GABRG3: variants seen among roughly 807,000 people sequenced by gnomAD.
The protein encoded by GABRG3 is gamma-aminobutyric acid receptor subunit gamma-3.
GABRG3 carries 25 observed loss-of-function variants against 48.8 expected under a neutral mutation model. The observed-to-expected ratio is 0.51, with a 90% CI of 0.37 to 0.72. The LOEUF (loss-of-function observed/expected upper bound fraction) is 0.72, where lower values mean the gene tolerates loss of function less well. Among genes scored for constraint, GABRG3 ranks in the 30% least tolerant of loss-of-function variants. The pLI, the probability that GABRG3 is intolerant of heterozygous loss-of-function variation, is 0.00. For synonymous variants in GABRG3, 227 were observed against 217.6 expected (o/e 1.04, Z -0.38); for missense variants, 394 against 577.9 (o/e 0.68, Z 3.26).
intron 3 of GABRG3, among the ~76,000 whole-genome samples, chr15:27,112,592 C>G (rs1365786317): frequency 6.6e-6 from 1 of 151,910 alleles, no homozygotes; most frequent in East Asian, 1.9e-4. Flanking sequence ...TGGTGCCCCC[C>G]ACCACAGCCG....
chr15:27,415,402 C>T (rs970246205), intron 5 of GABRG3, among the ~76,000 whole-genome samples: 2 of 152,070 alleles, frequency 1.3e-5, no homozygotes, highest in Non-Finnish European at 2.9e-5. Flanking sequence ...TTAGAATTTC[C>T]ATCTCTTTGC....
intron 5 of GABRG3, among the ~76,000 whole-genome samples, chr15:27,455,553 AGTTTGTGTGTG>A (rs1209019526): frequency 7.8e-6 from 1 of 127,884 alleles, no homozygotes; most frequent in African/African-American, 3.1e-5. Context: ...GTGGTTTGTG[AGTTTGTGTGTG>A]GTGTGTGTGT....
rs1033313328 is a variant in GABRG3, at chr15:27,352,455, G to A, written c.574+23567G>A. On this transcript the variant is annotated intron_variant, in intron 5 of 9. Coordinates refer to ENST00000615808, the MANE Select transcript of GABRG3 (RefSeq NM_033223.5). This position sits in a 1 kb window ranked among gnomAD's most constrained non-coding sequence, Gnocchi z 4.0. ...ATGTAAATCCAGGGTGAGCCAAGCA[G>A]ATTGATAGTCTTCTAATTAGTACGA... Among the ~76,000 whole-genome samples the A allele has an allele frequency of 2.0e-5, 3 of 152,046 alleles. No individual in the cohort carries two copies. Among genetic ancestry groups the A allele is most frequent in the Non-Finnish European group, 4.4e-5 (3 of 68,006 alleles).
intron 5 of GABRG3, among the ~76,000 whole-genome samples, chr15:27,448,755 G>A (rs1389609567): frequency 1.3e-5 from 2 of 152,094 alleles, no homozygotes; most frequent in African/African-American, 4.8e-5. Context: ...ACTACAGAAA[G>A]TATTTCACAT....
intron 5 of GABRG3, among the ~76,000 whole-genome samples, chr15:27,405,200 A>G (rs1261760106): frequency 2.0e-5 from 3 of 152,228 alleles, no homozygotes; most frequent in African/African-American, 7.2e-5. Context: ...CCCTATACAC[A>G]TTACCTAGAA....
rs150113496 is a variant in GABRG3 at position 27,126,908 on chromosome 15, G to A, written c.270+100087G>A. On this transcript the variant is annotated intron_variant, in intron 3 of 9. Transcript: ENST00000615808. The stretch of plus-strand genomic sequence containing the variant: ...GTGGAGGACATGGTGACCCTGGCAT[G>A]TAGTGAGGTAGCATTCGGCCTCAGG... 3.0e-3 allele frequency among the ~76,000 whole-genome samples: 457 copies of A among 152,304 alleles called. 1 individual carries two copies. Among genetic ancestry groups the A allele is most frequent in the African/African-American group, 0.011 (441 of 41,568 alleles).
In GABRG3 at chr15:27,534,248, G is replaced by C. The variant is rs1891499992; in HGVS notation, c.*1367G>C. ...AAAAATGGGCAATGGTGATCATCAAGTACATATTTTGATGAACAAGATTAT... is the reference window on the plus strand; with the variant it reads ...AAAAATGGGCAATGGTGATCATCAACTACATATTTTGATGAACAAGATTAT... On this transcript the variant is annotated 3_prime_UTR_variant, in exon 10 of 10. Transcript: ENST00000615808. 1 of 152,000 alleles carries C rather than the reference G, an allele frequency of 6.6e-6. No homozygotes were observed. Among genetic ancestry groups the C allele is most frequent in the Admixed American group, 6.6e-5 (1 of 15,260 alleles). 9.4% of individuals were successfully genotyped at this position (152,000 alleles called of 1,614,324 possible). A position where few individuals can be genotyped will look rare whatever the true frequency, so the allele number is the denominator to read the frequency against.
intron 5 of GABRG3, among the ~76,000 whole-genome samples, chr15:27,338,513 G>A (rs73365226): frequency 0.017 from 2,655 of 152,248 alleles, 75 homozygotes; most frequent in African/African-American, 0.06. Context: ...TGATTCAGAC[G>A]CTGGTTCACG....
intron 5 of GABRG3, among the ~76,000 whole-genome samples, chr15:27,338,725 C>G (rs1894063201): frequency 6.6e-6 from 1 of 152,158 alleles, no homozygotes; most frequent in Non-Finnish European, 1.5e-5. Flanking sequence ...ATCTATGTTG[C>G]TATCAGGCTT....
chr15:27,040,198 C>T (rs975872017), intron 3 of GABRG3, among the ~76,000 whole-genome samples: 3 of 152,230 alleles, frequency 2.0e-5, no homozygotes, highest in African/African-American at 7.2e-5. Flanking sequence ...TCGGGGTGGC[C>T]CATGACAGGT....
intron 3 of GABRG3, among the ~76,000 whole-genome samples, chr15:27,288,639 G>A (rs1304145314): frequency 6.6e-6 from 1 of 151,786 alleles, no homozygotes. Flanking sequence ...CTTGAACCCA[G>A]GAGGTGGAGG....
At chr15:27,115,858 C>T (rs1897632225) in intron 3 of GABRG3, among the ~76,000 whole-genome samples, 1 of 152,114 alleles carries the variant, frequency 6.6e-6, no homozygotes, top group Non-Finnish European at 1.5e-5. Context: ...AATGGTGACT[C>T]CTGTCAAACG....
chr15:27,164,564 T>G (rs1321982051), intron 3 of GABRG3, among the ~76,000 whole-genome samples: 1 of 152,244 alleles, frequency 6.6e-6, no homozygotes, highest in East Asian at 1.9e-4. Flanking sequence ...TTTTACTTGT[T>G]GTGTCTCTCC....
intron 3 of GABRG3, among the ~76,000 whole-genome samples, chr15:27,135,468 A>C (rs1897992054): frequency 6.6e-6 from 1 of 152,242 alleles, no homozygotes. Flanking sequence ...AAGTAGCTCC[A>C]CTATCCAGTA....
At chr15:27,091,245 G>C (rs1455292441) in intron 3 of GABRG3, among the ~76,000 whole-genome samples, 1 of 152,014 alleles carries the variant, frequency 6.6e-6, no homozygotes, top group Non-Finnish European at 1.5e-5. Context: ...TGATCATTTT[G>C]TTTTTCTCTT....
At chr15:27,356,923 C>T (rs1435160819) in intron 5 of GABRG3, among the ~76,000 whole-genome samples, 1 of 152,094 alleles carries the variant, frequency 6.6e-6, no homozygotes, top group Admixed American at 6.6e-5. Context: ...AAATATTTCA[C>T]CACGTTAATT....
chr15:27,142,547 C>T (rs1480339180), intron 3 of GABRG3, among the ~76,000 whole-genome samples: 2 of 152,180 alleles, frequency 1.3e-5, no homozygotes, highest in Non-Finnish European at 2.9e-5. Flanking sequence ...GTCCCTCCCA[C>T]AACATGTGGG....
intron 2 of GABRG3, among the ~76,000 whole-genome samples, chr15:27,003,231 ATTTATTTT>A (rs1187234151): frequency 1.5e-5 from 2 of 136,256 alleles, no homozygotes; most frequent in East Asian, 4.6e-4. Flanking sequence ...TTATTTATTT[ATTTATTTT>A]TTATTGATCA....
At chr15:27,398,467 A>C (rs1355741321) in intron 5 of GABRG3, among the ~76,000 whole-genome samples, 1 of 152,180 alleles carries the variant, frequency 6.6e-6, no homozygotes, top group Admixed American at 6.6e-5. Context: ...TTGTGTGTGC[A>C]TGTGTGCAAA....
Sources: allele counts gnomAD v4.1 joint callset (sites outside exome capture counted in the v4.1 genomes callset), GRCh38; gene constraint gnomAD v4.1.1; non-coding constraint Gnocchi (gnomAD v3.1); transcripts MANE v1.5; gene names NCBI Gene and HGNC (gene_info 2026-07-23, HGNC 2026-07-21).